BMPR1B: variants seen among roughly 807,000 people sequenced by gnomAD.
BMPR1B encodes the protein bone morphogenetic protein receptor type 1B.
A neutral mutation model predicts 59.1 loss-of-function variants in BMPR1B; 12 were observed. The observed-to-expected ratio is 0.20, with a 90% CI of 0.13 to 0.33. The LOEUF is 0.33. Ranked by LOEUF, BMPR1B falls within the 10% of genes least tolerant of loss-of-function variation. BMPR1B has a pLI of 1.00. For missense variants in BMPR1B, 550 were observed against 610.9 expected, an observed-to-expected ratio of 0.90 and a Z score of 1.05; for synonymous variants, 237 against 207.3, an observed-to-expected ratio of 1.14 and a Z score of -1.23.
intron 3 of BMPR1B, among the ~76,000 whole-genome samples, chr4:95,057,009 A>C (rs1237187119): frequency 6.6e-6 from 1 of 152,224 alleles, no homozygotes; most frequent in Non-Finnish European, 1.5e-5. Context: ...TTTATGGTAC[A>C]TATCATAATT....
At chr4:95,073,942 A>G (rs577885672) in intron 3 of BMPR1B, among the ~76,000 whole-genome samples, 72 of 152,310 alleles carry the variant, frequency 4.7e-4, no homozygotes, top group African/African-American at 1.7e-3. Flanking sequence ...AGAAACTTGC[A>G]TCTCTCTTTC....
intron 2 of BMPR1B, among the ~76,000 whole-genome samples, chr4:94,928,811 T>G (rs1464053376): frequency 6.6e-6 from 1 of 152,118 alleles, no homozygotes; most frequent in African/African-American, 2.4e-5. Context: ...GAGCAATTAA[T>G]TGGGGTAACA....
At position 94,991,777 on chromosome 4, in the gene BMPR1B, A is replaced by G. The variant is rs1181394271; in HGVS notation, c.-112-4263A>G. Among the ~76,000 whole-genome samples the G allele has an allele frequency of 2.6e-5, 4 of 152,340 alleles. No individual in the cohort carries two copies. The East Asian group carries it at 7.7e-4, about 29-fold the overall frequency. ...GCTTTTACTCTGAGTAAAATGGGGA[A>G]GCAGTACAGGGCTTTGATTAGAAGA... On this transcript the variant is annotated intron_variant, in intron 2 of 12. Coordinates refer to ENST00000515059, the MANE Select transcript of BMPR1B (RefSeq NM_001203.3).
intron 3 of BMPR1B, among the ~76,000 whole-genome samples, chr4:95,047,902 T>C (rs2149182604): frequency 6.6e-6 from 1 of 152,246 alleles, no homozygotes; most frequent in South Asian, 2.1e-4. Flanking sequence ...GTCACCCTGG[T>C]AGTGAGCATA....
intron 3 of BMPR1B, among the ~76,000 whole-genome samples, chr4:95,081,106 G>A (rs1201910968): frequency 6.6e-6 from 1 of 151,996 alleles, no homozygotes; most frequent in Non-Finnish European, 1.5e-5. Flanking sequence ...GTTTATAAGG[G>A]GCTTTTCTGT....
chr4:94,931,818 A>G (rs932879684), intron 2 of BMPR1B, among the ~76,000 whole-genome samples: 10 of 152,202 alleles, frequency 6.6e-5, no homozygotes, highest in African/African-American at 2.2e-4. Context: ...TCTGTTTTCC[A>G]TCAGAGCCGT....
chr4:95,076,654 C>T (rs551913821), intron 3 of BMPR1B, among the ~76,000 whole-genome samples: 1 of 152,100 alleles, frequency 6.6e-6, no homozygotes, highest in East Asian at 1.9e-4. Context: ...TCCAAGTAAT[C>T]AGTGGAGTGA....
At chr4:94,828,919 C>T (rs970459555) in intron 1 of BMPR1B, among the ~76,000 whole-genome samples, 12 of 151,570 alleles carry the variant, frequency 7.9e-5, no homozygotes, top group African/African-American at 2.9e-4. Context: ...AAAGAAGGCC[C>T]TTCTATTCTG....
intron 2 of BMPR1B, among the ~76,000 whole-genome samples, chr4:94,879,473 T>C (rs1254017117): frequency 2.6e-5 from 4 of 152,108 alleles, no homozygotes; most frequent in Admixed American, 6.5e-5. Context: ...TGTGCTGGGG[T>C]GTGCCTGTTG....
intron 1 of BMPR1B, among the ~76,000 whole-genome samples, chr4:94,857,326 T>C (rs1437258321): frequency 2.6e-5 from 4 of 152,236 alleles, no homozygotes; most frequent in Non-Finnish European, 5.9e-5. Flanking sequence ...AAAGGTGCTA[T>C]GTGAAATATG....
intron 2 of BMPR1B, among the ~76,000 whole-genome samples, chr4:94,906,605 A>T (rs993658503): frequency 3.3e-5 from 5 of 152,026 alleles, no homozygotes; most frequent in African/African-American, 1.2e-4. Flanking sequence ...ATATATACCT[A>T]TGTAACAAAC....
intron 1 of BMPR1B, among the ~76,000 whole-genome samples, chr4:94,780,680 G>T (rs4699690): frequency 3.6e-5 from 5 of 138,218 alleles, no homozygotes; most frequent in South Asian, 2.3e-4. Context: ...ATGTATTATT[G>T]TCTTTTTTTT....
intron 1 of BMPR1B, among the ~76,000 whole-genome samples, chr4:94,850,822 T>C (rs1725541890): frequency 6.6e-6 from 1 of 152,166 alleles, no homozygotes; most frequent in African/African-American, 2.4e-5. Flanking sequence ...TGTTCTTGTA[T>C]CTTAAATCTC....
At chr4:94,879,151 T>C (rs1726860622) in intron 2 of BMPR1B, among the ~76,000 whole-genome samples, 1 of 152,200 alleles carries the variant, frequency 6.6e-6, no homozygotes, top group Non-Finnish European at 1.5e-5. Flanking sequence ...TTTCTTCTCA[T>C]TTCCAGATGA....
At position 95,130,021 on chromosome 4, in the gene BMPR1B, C is replaced by A; in HGVS notation, c.745C>A (p.Gln249Lys). ...CTGGTTCAGAGAGACAGAAATATAT[C>A]AGACAGTGTTGATGAGGCATGAAAA... Reference protein sequence around the residue: ...ASWFRETEIYQTVLMRHENIL... With the variant: ...ASWFRETEIYKTVLMRHENIL... Residue 249 changes from glutamine to lysine, a missense_variant, in exon 9 of 13, where the codon CAG (glutamine) becomes AAG (lysine). Transcript: ENST00000515059. The A allele has an allele frequency of 6.2e-7, 1 of 1,613,898 alleles. No individual in the cohort carries two copies. Among genetic ancestry groups the A allele is most frequent in the Non-Finnish European group, 8.5e-7 (1 of 1,179,850 alleles).
At chr4:95,061,059 A>G (rs1050123011) in intron 3 of BMPR1B, among the ~76,000 whole-genome samples, 6 of 150,978 alleles carry the variant, frequency 4.0e-5, no homozygotes, top group Non-Finnish European at 7.4e-5. Context: ...TTAACTGGAA[A>G]TGTACTTTTT....
chr4:94,770,179 T>TG (rs1491564179), intron 1 of BMPR1B, among the ~76,000 whole-genome samples: 67 of 58,932 alleles, frequency 1.1e-3, no homozygotes, highest in African/African-American at 5.2e-3. Context: ...CCTTCGTTTC[T>TG]GTGTTTGTTT....
At chr4:95,079,889 T>C (rs1242907153) in intron 3 of BMPR1B, among the ~76,000 whole-genome samples, 1 of 152,200 alleles carries the variant, frequency 6.6e-6, no homozygotes, top group African/African-American at 2.4e-5. Flanking sequence ...CTTTTTTAAA[T>C]TACTTTTCTG....
intron 3 of BMPR1B, among the ~76,000 whole-genome samples, chr4:95,014,323 A>G (rs1456843572): frequency 6.6e-6 from 1 of 152,240 alleles, no homozygotes; most frequent in African/African-American, 2.4e-5. Context: ...TATAATTCAT[A>G]GAATCCACTG....
Sources: allele counts gnomAD v4.1 joint callset (sites outside exome capture counted in the v4.1 genomes callset), GRCh38; gene constraint gnomAD v4.1.1; transcripts MANE v1.5; gene names NCBI Gene and HGNC (gene_info 2026-07-23, HGNC 2026-07-21).